The following SGCG variants were observed in gnomAD, a reference collection of about 807,000 sequenced individuals.
SGCG encodes sarcoglycan gamma.
SGCG carries 26 observed loss-of-function variants against 29.3 expected under a neutral mutation model. That is an observed-to-expected ratio of 0.89 (90% confidence interval 0.65 to 1.23). The LOEUF is 1.23. Ranked by LOEUF, SGCG falls within the 50% of genes most tolerant of loss-of-function variation. The probability of loss-of-function intolerance (pLI) is 0.00; values close to 1 mark genes in which losing one functional copy is unlikely to be tolerated. For missense variants in SGCG, 353 were observed against 356.0 expected (o/e 0.99, Z 0.07); for synonymous variants, 145 against 129.7 (o/e 1.12, Z -0.80).
chr13:23,293,149 T>G (rs1461538492), intron 5 of SGCG, among the ~76,000 whole-genome samples: 1 of 152,234 alleles, frequency 6.6e-6, no homozygotes, highest in Non-Finnish European at 1.5e-5. Flanking sequence ...CATTATCGTT[T>G]AGGTTTGCTT....
chr13:23,276,212 A>C (rs932707627), intron 4 of SGCG, among the ~76,000 whole-genome samples: 8 of 152,184 alleles, frequency 5.3e-5, no homozygotes, highest in African/African-American at 1.7e-4. Flanking sequence ...ATATTAATAA[A>C]AGTTAGAAGA....
chr13:23,168,127 GA>G, the SGCG span, among the ~76,000 whole-genome samples: 1 of 152,134 alleles, frequency 6.6e-6, no homozygotes, highest in Non-Finnish European at 1.5e-5. Context: ...TCCCTTGTCA[GA>G]TGGGTAGTTT....
intron 4 of SGCG, among the ~76,000 whole-genome samples, chr13:23,277,572 A>G (rs1881127971): frequency 6.6e-6 from 1 of 152,202 alleles, no homozygotes; most frequent in Admixed American, 6.5e-5. Flanking sequence ...AAAACGGATC[A>G]ATGCATTAAT....
At chr13:23,279,773 G>A (rs577738036) in intron 5 of SGCG, among the ~76,000 whole-genome samples, 1 of 135,878 alleles carries the variant, frequency 7.4e-6, no homozygotes, top group Non-Finnish European at 1.7e-5. Context: ...TGTTGCCCAG[G>A]CTGGAGTGCA....
intron 4 of SGCG, among the ~76,000 whole-genome samples, chr13:23,251,114 C>T (rs1321728974): frequency 1.3e-5 from 2 of 152,208 alleles, no homozygotes; most frequent in Non-Finnish European, 2.9e-5. Context: ...TCTCTTTTCT[C>T]TCCTCCCCAT....
In SGCG at chr13:23,290,481, GA is replaced by G. The variant is rs374850994; in HGVS notation, c.506-4933del. Among the ~76,000 whole-genome samples, 12 of 152,328 alleles carry G rather than the reference GA, an allele frequency of 7.9e-5. No homozygotes were observed. The East Asian group carries it at 2.3e-3, about 29-fold the overall frequency. ...CTATTTTCTCAGAATTTGGACCCAG[GA>G]GAGATGACAGAAATTGTCATTGGAT... On this transcript the variant is annotated intron_variant, in intron 5 of 7. Coordinates refer to ENST00000218867, the MANE Select transcript of SGCG (RefSeq NM_000231.3).
At chr13:23,300,664 C>A (rs1400438175) in intron 6 of SGCG, among the ~76,000 whole-genome samples, 1 of 151,894 alleles carries the variant, frequency 6.6e-6, no homozygotes. Context: ...TCCGAGGTGG[C>A]AAATTAACAG....
chr13:23,281,380 A>G (rs1335906507), intron 5 of SGCG, among the ~76,000 whole-genome samples: 2 of 141,976 alleles, frequency 1.4e-5, no homozygotes, highest in Non-Finnish European at 3.1e-5. Flanking sequence ...AATAATAATA[A>G]TAATAGTGCT....
rs1390142096 is a variant in SGCG, at chr13:23,203,731, A to G, written c.37A>G (p.Ile13Val). 1.2e-6 allele frequency: 2 copies of G among 1,613,882 alleles called. No individual in the cohort carries two copies. Among genetic ancestry groups the G allele is most frequent in the East Asian group, 2.2e-5 (1 of 44,888 alleles). The change falls in exon 2 of 8, where the codon ATC becomes GTC. Residue 13 changes from isoleucine to valine, a missense_variant. Coordinates refer to ENST00000218867, the MANE Select transcript of SGCG (RefSeq NM_000231.3). ...GCAGTACACTACAGCCACAGAAGGC[A>G]TCTGCATAGAGAGGCCAGAGAATCA... is the stretch of plus-strand genomic sequence containing the variant. ...REQYTTATEGICIERPENQYV... is the reference protein window; with the variant it reads ...REQYTTATEGVCIERPENQYV...
rs1882871820 is a variant in SGCG at position 23,317,654 on chromosome 13, ATTG to A, written c.579-2980_579-2978del. On this transcript the variant is annotated intron_variant, in intron 6 of 7. Coordinates refer to ENST00000218867, the MANE Select transcript of SGCG (RefSeq NM_000231.3). ...ATTGACTTCATAGCAGCATTTAAGT[ATTG>A]TTAACTTATGTAATAGTATTTGGGT... is the stretch of plus-strand genomic sequence containing the variant. 2.0e-5 allele frequency among the ~76,000 whole-genome samples: 3 copies of A among 152,248 alleles called. No homozygotes were observed. The South Asian group carries it at 6.2e-4, about 32-fold the overall frequency.
chr13:23,189,181 G>A (rs1356317910), intron 1 of SGCG, among the ~76,000 whole-genome samples: 1 of 152,162 alleles, frequency 6.6e-6, no homozygotes, highest in Non-Finnish European at 1.5e-5. Context: ...TGTTGACCAG[G>A]GAAATGACCG....
chr13:23,182,559 T>G (rs556612710), intron 1 of SGCG, among the ~76,000 whole-genome samples: 9 of 151,696 alleles, frequency 5.9e-5, no homozygotes, highest in African/African-American at 2.2e-4. Flanking sequence ...GACGTTCTCA[T>G]GAGGATTGCA....
At chr13:23,318,935 G>T (rs1256484607) in intron 6 of SGCG, among the ~76,000 whole-genome samples, 1 of 152,178 alleles carries the variant, frequency 6.6e-6, no homozygotes. Context: ...AGGCTTCAAA[G>T]GTGCTTCTGT....
chr13:23,176,470 G>A (rs1321506473), upstream of SGCG, among the ~76,000 whole-genome samples: 1 of 152,090 alleles, frequency 6.6e-6, no homozygotes, highest in African/African-American at 2.4e-5. Context: ...TGCTGAAAAT[G>A]TTCCTTTATC....
intron 6 of SGCG, among the ~76,000 whole-genome samples, chr13:23,319,281 C>T (rs1882945574): frequency 6.9e-6 from 1 of 144,510 alleles, no homozygotes; most frequent in Non-Finnish European, 1.5e-5. Flanking sequence ...GCCTGGGTGA[C>T]AGAGCAAGAC....
intron 1 of SGCG, among the ~76,000 whole-genome samples, chr13:23,183,114 T>A (rs1467426981): frequency 2.0e-5 from 3 of 152,222 alleles, no homozygotes; most frequent in Admixed American, 2.0e-4. Context: ...CTTGTGTGAA[T>A]TACTTAATTT....
chr13:23,257,603 A>G (rs915912482), intron 4 of SGCG, among the ~76,000 whole-genome samples: 6 of 152,262 alleles, frequency 3.9e-5, no homozygotes, highest in African/African-American at 1.4e-4. Flanking sequence ...TTGGTGTTTT[A>G]GTCATGAAGT....
intron 3 of SGCG, among the ~76,000 whole-genome samples, chr13:23,235,333 T>G (rs1004266541): frequency 6.7e-6 from 1 of 150,182 alleles, no homozygotes; most frequent in African/African-American, 2.5e-5. Context: ...CATTCCAGCC[T>G]GGGCAACAAG....
rs1240016735 is a variant in SGCG at position 23,314,382 on chromosome 13, T to TTTTA, written c.579-6254_579-6253insTTAT. 7.0e-4 allele frequency among the ~76,000 whole-genome samples: 55 copies of TTTTA among 78,600 alleles called. 1 individual carries two copies. The highest frequency in any genetic ancestry group is 2.7e-3 in the East Asian group (4 of 1,504). The allele number at this position is 78,600 out of a possible 152,430, so 51.6% of individuals were successfully genotyped here. On this transcript the variant is annotated intron_variant, in intron 6 of 7. Transcript: ENST00000218867. ...TAAATGAAATGATGTCTGCTATAGG[T>TTTTA]TATATATATATATATATATATATAT...
Sources: gnomAD v4.1 joint callset for allele counts (sites outside exome capture counted in the v4.1 genomes callset) on GRCh38, gnomAD v4.1.1 for gene constraint, MANE v1.5 for transcripts, NCBI Gene and HGNC (gene_info 2026-07-23, HGNC 2026-07-21) for gene names.